ADGRV1: variants seen among roughly 807,000 people sequenced by gnomAD.
The protein encoded by ADGRV1 is G-protein coupled receptor 98.
Under a neutral mutation model 596.2 loss-of-function variants are expected in ADGRV1, and 359 were observed. That is an observed-to-expected ratio of 0.60 (90% CI 0.55 to 0.66). ADGRV1 has a LOEUF of 0.66. Among genes scored for constraint, ADGRV1 ranks in the 30% least tolerant of loss-of-function variants. The probability of loss-of-function intolerance (pLI) is 0.00; values close to 1 mark genes in which losing one functional copy is unlikely to be tolerated. For missense variants in ADGRV1, 7,274 were observed against 7,575.6 expected, an observed-to-expected ratio of 0.96 and a Z score of 1.48; for synonymous variants, 2,681 against 2,679.2, an observed-to-expected ratio of 1.00 and a Z score of -0.02.
At chr5:91,107,438 T>C (rs6884273) in intron 87 of ADGRV1, among the ~76,000 whole-genome samples, 2 of 147,230 alleles carry the variant, frequency 1.4e-5, no homozygotes. Context: ...TTTTTGTTTT[T>C]GTTTTTGTTT....
At chr5:90,785,951 C>T (rs893536411) in intron 67 of ADGRV1, among the ~76,000 whole-genome samples, 5 of 152,152 alleles carry the variant, frequency 3.3e-5, no homozygotes, top group African/African-American at 9.7e-5. Flanking sequence ...CACATGCACA[C>T]GTATTTTTAT....
At chr5:91,006,567 T>C (rs1355941140) in intron 85 of ADGRV1, among the ~76,000 whole-genome samples, 1 of 152,168 alleles carries the variant, frequency 6.6e-6, no homozygotes, top group Non-Finnish European at 1.5e-5. Flanking sequence ...ACCTGAATGA[T>C]AGATAAGTAC....
intron 87 of ADGRV1, among the ~76,000 whole-genome samples, chr5:91,136,405 T>C (rs926490911): frequency 2.0e-5 from 3 of 152,196 alleles, no homozygotes; most frequent in African/African-American, 7.2e-5. Context: ...AAGTGGTTCT[T>C]AGCCAGGTAA....
At chr5:90,613,736 G>A (rs535851305) in intron 1 of ADGRV1, among the ~76,000 whole-genome samples, 2 of 152,196 alleles carry the variant, frequency 1.3e-5, no homozygotes, top group South Asian at 4.1e-4. Flanking sequence ...TGCATTGTCT[G>A]TATATACTTA....
chr5:90,561,721 C>A (rs1399318496), intron 1 of ADGRV1, among the ~76,000 whole-genome samples: 2 of 152,166 alleles, frequency 1.3e-5, no homozygotes, highest in Non-Finnish European at 2.9e-5. Context: ...ACAATGCCAT[C>A]ACCATTTTTC....
At chr5:90,757,198 G>T (rs1755924913) in intron 57 of ADGRV1, 37 bp downstream of exon 57, 1 of 1,574,098 alleles carries the variant, frequency 6.4e-7, no homozygotes, top group Non-Finnish European at 8.7e-7. Context: ...TTTTTGAGTT[G>T]TGCTTCAGAC....
At chr5:91,018,868 AG>A (rs933381144) in intron 85 of ADGRV1, among the ~76,000 whole-genome samples, 1 of 151,986 alleles carries the variant, frequency 6.6e-6, no homozygotes, top group Admixed American at 6.6e-5. Context: ...CTGAATTCAG[AG>A]GTTCAAGATG....
intron 86 of ADGRV1, among the ~76,000 whole-genome samples, chr5:91,077,628 G>T (rs559366066): frequency 6.6e-6 from 1 of 152,308 alleles, no homozygotes; most frequent in African/African-American, 2.4e-5. Flanking sequence ...AGGACAACTC[G>T]GCTTTTTGTG....
chr5:90,984,419 G>A (rs1423059542), intron 84 of ADGRV1, among the ~76,000 whole-genome samples: 1 of 152,066 alleles, frequency 6.6e-6, no homozygotes, highest in African/African-American at 2.4e-5. Flanking sequence ...TCCAAGTTAG[G>A]TGTGGGATTT....
chr5:90,597,153 TG>T (rs1760792805), intron 1 of ADGRV1, among the ~76,000 whole-genome samples: 1 of 152,058 alleles, frequency 6.6e-6, no homozygotes, highest in African/African-American at 2.4e-5. Context: ...TGAGCAGGAT[TG>T]GGGATTTATT....
At chr5:90,664,927 C>A (rs1001911199) in intron 21 of ADGRV1, among the ~76,000 whole-genome samples, 4 of 151,872 alleles carry the variant, frequency 2.6e-5, no homozygotes, top group Non-Finnish European at 5.9e-5. Flanking sequence ...TATTAATTTG[C>A]GTATATTGAA....
chr5:90,779,618 T>C (rs1758631406), intron 64 of ADGRV1: 1 of 152,276 alleles, frequency 6.6e-6, no homozygotes, highest in Admixed American at 6.5e-5. Flanking sequence ...TGCACCATGT[T>C]TTCAAGGAAG....
At chr5:90,604,435 G>A (rs1761817715) in intron 1 of ADGRV1, among the ~76,000 whole-genome samples, 1 of 152,076 alleles carries the variant, frequency 6.6e-6, no homozygotes, top group Non-Finnish European at 1.5e-5. Flanking sequence ...TTAAAAATTA[G>A]ATAATACTAC....
At chr5:90,947,590 T>G (rs989954909) in intron 83 of ADGRV1, among the ~76,000 whole-genome samples, 1 of 151,926 alleles carries the variant, frequency 6.6e-6, no homozygotes, top group Non-Finnish European at 1.5e-5. Context: ...ATTAGAGTAT[T>G]GATGGATGAA....
In ADGRV1 at chr5:90,716,607, C is replaced by G; in HGVS notation, c.9325C>G (p.Gln3109Glu). Reference sequence around the variant, plus strand: ...ATTGTACATTGTTCGGGAACCTGCACAAGGATTGTTTGGAACAGTGACAGT... The same window carrying G: ...ATTGTACATTGTTCGGGAACCTGCAGAAGGATTGTTTGGAACAGTGACAGT... ...AVLYIVREPA[Q>E]GLFGTVTVQF... The change falls in exon 43 of 90, where the codon CAA becomes GAA. Residue 3109 changes from glutamine to glutamate, a missense_variant. Gln to Glu is a conservative substitution (Grantham distance 29). This residue lies in a region of ADGRV1 where 3,643 missense variants were observed against 3,809.2 expected (regional missense o/e 0.96). Transcript: ENST00000405460. 6.2e-7 allele frequency: 1 copy of G among 1,613,764 alleles called. No individual in the cohort carries two copies. Among genetic ancestry groups the G allele is most frequent in the Non-Finnish European group, 8.5e-7 (1 of 1,179,806 alleles).
chr5:90,804,904 T>C (rs1761757083), intron 71 of ADGRV1: 1 of 154,040 alleles, frequency 6.5e-6, no homozygotes, highest in African/African-American at 2.4e-5. Context: ...AATGAAAAAA[T>C]ACACTATTAT....
At chr5:91,150,285 GTC>G (rs1209240734) in intron 88 of ADGRV1, 64 bp downstream of exon 88, 39 of 1,239,624 alleles carry the variant, frequency 3.1e-5, no homozygotes, top group South Asian at 3.8e-5. Context: ...CTCTCTGTCT[GTC>G]TCTCTCTCTG....
At chr5:91,141,020 C>CA (rs1196664860) in intron 87 of ADGRV1, among the ~76,000 whole-genome samples, 4 of 152,164 alleles carry the variant, frequency 2.6e-5, no homozygotes, top group African/African-American at 9.7e-5. Context: ...AGACTCTAAC[C>CA]TAATGTTTCT....
chr5:91,025,322 T>C (rs1361979124), intron 85 of ADGRV1, among the ~76,000 whole-genome samples: 1 of 147,942 alleles, frequency 6.8e-6, no homozygotes, highest in Non-Finnish European at 1.5e-5. Flanking sequence ...TAATATTGCC[T>C]AAGGGCAAAA....
Sources: allele counts gnomAD v4.1 joint callset (sites outside exome capture counted in the v4.1 genomes callset), GRCh38; gene constraint gnomAD v4.1.1; regional missense constraint gnomAD v4.1.1; transcripts MANE v1.5; gene names NCBI Gene and HGNC (gene_info 2026-07-23, HGNC 2026-07-21).